CBFA2T2: variants seen among roughly 807,000 people sequenced by gnomAD.
The protein encoded by CBFA2T2 is protein CBFA2T2.
In CBFA2T2, 11 loss-of-function variants were observed where a neutral mutation model predicts 62.2. That is an observed-to-expected ratio of 0.18 (90% CI 0.11 to 0.29). The LOEUF (loss-of-function observed/expected upper bound fraction) is 0.29, where lower values mean the gene tolerates loss of function less well. Ranked by LOEUF, CBFA2T2 falls within the 10% of genes least tolerant of loss-of-function variation. The pLI is 1.00. For synonymous variants in CBFA2T2, 295 were observed against 287.5 expected (o/e 1.03, Z -0.27); for missense variants, 592 against 774.1 (o/e 0.76, Z 2.79).
chr20:33,621,422 G>A (rs1000286027), intron 4 of CBFA2T2, among the ~76,000 whole-genome samples: 1 of 149,682 alleles, frequency 6.7e-6, no homozygotes, highest in Non-Finnish European at 1.5e-5. Flanking sequence ...TCAGCCTCCA[G>A]TGTAGCTGGG....
chr20:33,623,715 T>C (rs1017917869), intron 5 of CBFA2T2: 5 of 680,050 alleles, frequency 7.4e-6, no homozygotes, highest in African/African-American at 7.1e-5. Flanking sequence ...TGAGCCACCA[T>C]GCCCAGCCCA....
chr20:33,645,831 T>G lies in CBFA2T2; in HGVS notation c.*1185T>G, dbSNP rs140620867. The G allele has an allele frequency of 1.1e-4, 17 of 152,294 alleles. No individual in the cohort carries two copies. Among genetic ancestry groups the G allele is most frequent in the African/African-American group, 3.9e-4 (16 of 41,548 alleles). The allele number at this position is 152,294 out of a possible 1,614,324, so 9.4% of individuals were successfully genotyped here. On this transcript the variant is annotated 3_prime_UTR_variant, in exon 11 of 11. Coordinates refer to ENST00000342704, the MANE Select transcript of CBFA2T2 (RefSeq NM_001032999.3). ...CCTTCTCTTGTGTTATCTGATAGCG[T>G]CCCTCCTTGAGCTCATCAGAAAGGT...
At chr20:33,544,940 T>TAGAACAGAACAGAAC (rs1419558436) in intron 1 of CBFA2T2, among the ~76,000 whole-genome samples, 127 of 127,164 alleles carry the variant, frequency 1.0e-3, no homozygotes, top group African/African-American at 4.1e-3. Flanking sequence ...GTGAATAGAA[T>TAGAACAGAACAGAAC]AGAACAGAAT....
intron 1 of CBFA2T2, among the ~76,000 whole-genome samples, chr20:33,495,473 G>A (rs2011190496): frequency 6.6e-6 from 1 of 151,530 alleles, no homozygotes; most frequent in African/African-American, 2.4e-5. Context: ...GGATCACGAG[G>A]TCAGGAGTTC....
At chr20:33,600,458 G>C (rs1024659070) in intron 1 of CBFA2T2, 5 of 407,704 alleles carry the variant, frequency 1.2e-5, no homozygotes, top group African/African-American at 1.1e-4. Context: ...AACGTGCTGG[G>C]ATTACAGGTA....
chr20:33,528,016 T>C (rs887342581), intron 1 of CBFA2T2, among the ~76,000 whole-genome samples: 1 of 152,156 alleles, frequency 6.6e-6, no homozygotes, highest in African/African-American at 2.4e-5. Flanking sequence ...CATGCCACTA[T>C]ACCTGGCTGA....
chr20:33,623,488 G>A (rs2016077026), intron 5 of CBFA2T2, among the ~76,000 whole-genome samples, 192 bp downstream of exon 5: 1 of 152,194 alleles, frequency 6.6e-6, no homozygotes, highest in Admixed American at 6.5e-5. Context: ...CATCTCCTGG[G>A]CTCAAGCGAT....
intron 1 of CBFA2T2, among the ~76,000 whole-genome samples, chr20:33,527,397 A>G (rs2011919744): frequency 7.8e-6 from 1 of 128,276 alleles, no homozygotes. Context: ...TTTTGAGATG[A>G]ATTCTTGTTC....
intron 10 of CBFA2T2, among the ~76,000 whole-genome samples, chr20:33,642,119 TGTGTGTGTGTGTGTG>T (rs2016878691): frequency 2.8e-4 from 8 of 28,856 alleles, no homozygotes; most frequent in Non-Finnish European, 5.1e-4. Flanking sequence ...TTTTTTTTTG[TGTGTGTGTGTGTGTG>T]TGTGTGTGTG....
At position 33,648,476 on chromosome 20, in the gene CBFA2T2, C is replaced by T. The variant is rs1407886008; in HGVS notation, c.*3830C>T. 3 of 152,242 alleles carry T rather than the reference C, an allele frequency of 2.0e-5. No individual in the cohort carries two copies. Among genetic ancestry groups the T allele is most frequent in the African/African-American group, 7.2e-5 (3 of 41,430 alleles). 9.4% of individuals were successfully genotyped at this position (152,242 alleles called of 1,614,324 possible). On this transcript the variant is annotated 3_prime_UTR_variant, in exon 11 of 11. Coordinates refer to ENST00000342704, the MANE Select transcript of CBFA2T2 (RefSeq NM_001032999.3). ...CCCCACTTGCCTGCACCGTGCCTGA[C>T]TCATCCAGTGGGGAAGGTGACTCAA...
At chr20:33,626,131 C>T (rs982951508) in intron 6 of CBFA2T2, among the ~76,000 whole-genome samples, 2 of 151,020 alleles carry the variant, frequency 1.3e-5, no homozygotes, top group Admixed American at 6.6e-5. Flanking sequence ...AAAAAACAAA[C>T]AAAAAAAATG....
At chr20:33,560,673 A>G (rs1057201396) in intron 1 of CBFA2T2, among the ~76,000 whole-genome samples, 7 of 152,240 alleles carry the variant, frequency 4.6e-5, no homozygotes, top group Non-Finnish European at 8.8e-5. Context: ...TATTGTTTAC[A>G]GATTGCAGAT....
chr20:33,503,283 CTCGCCCAG>C (rs1258290090), intron 1 of CBFA2T2, among the ~76,000 whole-genome samples: 1 of 110,794 alleles, frequency 9.0e-6, no homozygotes, highest in Non-Finnish European at 1.7e-5. Flanking sequence ...GAGATGGAGT[CTCGCCCAG>C]TCGCCCAGGC....
intron 1 of CBFA2T2, among the ~76,000 whole-genome samples, chr20:33,514,952 A>G (rs1208076292): frequency 1.3e-5 from 2 of 151,310 alleles, no homozygotes; most frequent in Non-Finnish European, 2.9e-5. Flanking sequence ...TTGGCCTCCC[A>G]AAGTGCTGGG....
chr20:33,577,356 T>A (rs970911353), intron 1 of CBFA2T2, among the ~76,000 whole-genome samples: 44 of 152,212 alleles, frequency 2.9e-4, no homozygotes, highest in Non-Finnish European at 1.2e-4. Context: ...TTTGAAATCT[T>A]GGCTTATTTG....
At chr20:33,617,394 A>G (rs947237484) in intron 3 of CBFA2T2, among the ~76,000 whole-genome samples, 2 of 152,248 alleles carry the variant, frequency 1.3e-5, no homozygotes, top group African/African-American at 4.8e-5. Context: ...TGCTCTTAAT[A>G]TAAAATAAGG....
intron 3 of CBFA2T2, among the ~76,000 whole-genome samples, chr20:33,619,257 C>A (rs1316892877): frequency 6.6e-6 from 1 of 152,030 alleles, no homozygotes; most frequent in East Asian, 1.9e-4. Flanking sequence ...CGGTGGCTCT[C>A]CCTTGTAATC....
chr20:33,644,211 C>T (rs568273195), intron 10 of CBFA2T2, 136 bp from the exon 11 acceptor site: 13 of 840,464 alleles, frequency 1.5e-5, no homozygotes, highest in Admixed American at 5.6e-5. Flanking sequence ...CAGTAGAGGG[C>T]GGAGTTGACC....
chr20:33,538,064 G>A (rs2012314374), intron 1 of CBFA2T2, among the ~76,000 whole-genome samples: 1 of 150,526 alleles, frequency 6.6e-6, no homozygotes, highest in South Asian at 2.1e-4. Flanking sequence ...TGGGGGAAGA[G>A]CTGACGTCTT....
Sources: gnomAD v4.1 joint callset for allele counts (sites outside exome capture counted in the v4.1 genomes callset) on GRCh38, gnomAD v4.1.1 for gene constraint, MANE v1.5 for transcripts, NCBI Gene and HGNC (gene_info 2026-07-23, HGNC 2026-07-21) for gene names.